Variants in SETBP1 observed in about 807,000 individuals in gnomAD.
SETBP1 encodes the protein SET binding protein 1.
SETBP1 carries 9 observed loss-of-function variants against 101.0 expected under a neutral mutation model. That is an observed-to-expected ratio of 0.09 (90% CI 0.05 to 0.16). SETBP1 has a LOEUF of 0.16. Among genes scored for constraint, SETBP1 ranks in the 10% least tolerant of loss-of-function variants. The pLI, the probability that SETBP1 is intolerant of heterozygous loss-of-function variation, is 1.00. For synonymous variants in SETBP1, 818 were observed against 788.5 expected, an observed-to-expected ratio of 1.04 and a Z score of -0.63; for missense variants, 1,858 against 2,033.8, an observed-to-expected ratio of 0.91 and a Z score of 1.66.
chr18:44,947,797 AC>A (rs1486633893), intron 3 of SETBP1, among the ~76,000 whole-genome samples: 1 of 152,032 alleles, frequency 6.6e-6, no homozygotes, highest in African/African-American at 2.4e-5. Context: ...GAGCCACTAC[AC>A]CCAGCCATCC....
At chr18:44,996,273 TCA>T (rs2145311604) in intron 4 of SETBP1, among the ~76,000 whole-genome samples, 1 of 152,332 alleles carries the variant, frequency 6.6e-6, no homozygotes, top group African/African-American at 2.4e-5. Flanking sequence ...AAAGAATGTC[TCA>T]GAGAATTACA....
rs1228054505 is a variant in SETBP1 at position 44,817,698 on chromosome 18, G to GAA, written c.487-51522_487-51521dup. ...AGACTCCATCTCAAAAAAAAAAAAAGAAAAAAAAAAAGGCTTCACACATGA... is the reference window on the plus strand; with the variant it reads ...AGACTCCATCTCAAAAAAAAAAAAAGAAAAAAAAAAAAAGGCTTCACACATGA... On this transcript the variant is annotated intron_variant, in intron 2 of 5. Transcript: ENST00000649279. 2.6e-3 allele frequency among the ~76,000 whole-genome samples: 362 copies of GAA among 139,464 alleles called. 1 individual carries two copies. The highest frequency in any genetic ancestry group is 9.2e-3 in the African/African-American group (353 of 38,190). The allele number at this position is 139,464 out of a possible 152,430, so 91.5% of individuals were successfully genotyped here.
chr18:44,769,258 T>G (rs149586254), intron 2 of SETBP1, among the ~76,000 whole-genome samples: 14 of 152,366 alleles, frequency 9.2e-5, no homozygotes, highest in African/African-American at 3.4e-4. Flanking sequence ...TGCCATTTTT[T>G]ATTTCTTTCC....
chr18:44,995,650 T>C (rs964768920), intron 4 of SETBP1, among the ~76,000 whole-genome samples: 1 of 151,892 alleles, frequency 6.6e-6, no homozygotes, highest in African/African-American at 2.4e-5. Context: ...AGAACAGAAA[T>C]TTATTTATCA....
intron 2 of SETBP1, among the ~76,000 whole-genome samples, chr18:44,736,557 C>G (rs1324967638): frequency 2.0e-5 from 3 of 152,130 alleles, no homozygotes; most frequent in African/African-American, 7.2e-5. Flanking sequence ...TGATATTTCT[C>G]TTTTTTGTGC....
chr18:44,685,535 A>T (rs79885796), intron 1 of SETBP1, among the ~76,000 whole-genome samples: 2 of 152,074 alleles, frequency 1.3e-5, no homozygotes, highest in African/African-American at 4.8e-5. Flanking sequence ...TCCTCTTTGG[A>T]TCGTGTCCCT....
In SETBP1 at chr18:45,032,399, T is replaced by C. The variant is rs567084106; in HGVS notation, c.4001-6086T>C. ...GTTTTGCTAGTCAACTCTCAAATGA[T>C]TGTTAAATTCCAAATGATTTATTCT... On this transcript the variant is annotated intron_variant, in intron 4 of 5. Transcript: ENST00000649279. 3.3e-5 allele frequency among the ~76,000 whole-genome samples: 5 copies of C among 152,304 alleles called. No individual in the cohort carries two copies. In the East Asian group the frequency reaches 9.6e-4, roughly 29 times the overall value.
intron 2 of SETBP1, among the ~76,000 whole-genome samples, chr18:44,845,289 A>T (rs563880625): frequency 7.9e-5 from 12 of 152,188 alleles, no homozygotes; most frequent in African/African-American, 2.9e-4. Context: ...CATCTCCTGG[A>T]ATCTCAGGAA....
chr18:45,017,160 C>T (rs1034390892), intron 4 of SETBP1, among the ~76,000 whole-genome samples: 3 of 152,122 alleles, frequency 2.0e-5, no homozygotes, highest in African/African-American at 7.2e-5. Context: ...CACAACCACA[C>T]AGCCAGTGCT....
intron 4 of SETBP1, among the ~76,000 whole-genome samples, chr18:44,955,474 A>C (rs1310206819): frequency 2.6e-5 from 4 of 152,164 alleles, no homozygotes; most frequent in African/African-American, 9.7e-5. Context: ...TCTGTAACTC[A>C]TGGGGTTGGG....
chr18:45,054,877 T>C (rs2073783292), intron 5 of SETBP1, among the ~76,000 whole-genome samples: 1 of 152,140 alleles, frequency 6.6e-6, no homozygotes, highest in Non-Finnish European at 1.5e-5. Context: ...GACCTGTGAA[T>C]TGCCTAATCA....
At chr18:44,693,106 C>T (rs2068961121) in intron 1 of SETBP1, among the ~76,000 whole-genome samples, 1 of 152,178 alleles carries the variant, frequency 6.6e-6, no homozygotes, top group Non-Finnish European at 1.5e-5. Flanking sequence ...AGTTGGGTCA[C>T]CTGCTAGATT....
chr18:44,836,035 A>G (rs1173022834), intron 2 of SETBP1, among the ~76,000 whole-genome samples: 1 of 152,186 alleles, frequency 6.6e-6, no homozygotes, highest in African/African-American at 2.4e-5. Context: ...GCATTTGGCC[A>G]CGGACAACGA....
rs1361133484 is a variant in SETBP1, at chr18:44,952,511, A to G, written c.3171A>G (p.Ser1057=). Residue 1057 remains serine, a synonymous_variant, in exon 4 of 6, where the codon TCA becomes TCG. Transcript: ENST00000649279. ...CACCCTATGGAATGCCTTACACATCAATGCCTATGATGAACCTTGGTTATT... is the reference window on the plus strand; with the variant it reads ...CACCCTATGGAATGCCTTACACATCGATGCCTATGATGAACCTTGGTTATT... ...YYAPYGMPYT[S]MPMMNLGYYG... 5 of 1,613,982 alleles carry G rather than the reference A, an allele frequency of 3.1e-6. No homozygotes were observed. The highest frequency in any genetic ancestry group is 4.2e-6 in the Non-Finnish European group (5 of 1,180,028).
chr18:45,051,189 T>G (rs2073714865), intron 5 of SETBP1, among the ~76,000 whole-genome samples: 1 of 152,166 alleles, frequency 6.6e-6, no homozygotes, highest in African/African-American at 2.4e-5. Flanking sequence ...CCAAGCCACA[T>G]GGTGTATGAG....
chr18:45,041,966 T>TA (rs1181172969), intron 5 of SETBP1, among the ~76,000 whole-genome samples: 3 of 149,900 alleles, frequency 2.0e-5, no homozygotes, highest in South Asian at 2.1e-4. Context: ...CAAAAAAAAA[T>TA]AAAAAATTTT....
chr18:44,868,283 CTAAA>C (rs2069173528), intron 2 of SETBP1, among the ~76,000 whole-genome samples: 2 of 151,582 alleles, frequency 1.3e-5, no homozygotes, highest in African/African-American at 4.9e-5. Context: ...GTATAAAATC[CTAAA>C]TAGTGTATAA....
intron 4 of SETBP1, among the ~76,000 whole-genome samples, chr18:45,027,485 A>T (rs7231762): frequency 0.41 from 62,678 of 152,024 alleles, 13,043 homozygotes; most frequent in Middle Eastern, 0.44. Context: ...ATATTAACCA[A>T]AAATATCCAT....
intron 1 of SETBP1, among the ~76,000 whole-genome samples, chr18:44,700,498 G>GT (rs1370262096): frequency 6.6e-6 from 1 of 152,134 alleles, no homozygotes; most frequent in Non-Finnish European, 1.5e-5. Flanking sequence ...TGTTGAAGTT[G>GT]TTTTCCATTA....
Sources: gnomAD v4.1 joint callset for allele counts (sites outside exome capture counted in the v4.1 genomes callset) on GRCh38, gnomAD v4.1.1 for gene constraint, MANE v1.5 for transcripts, NCBI Gene and HGNC (gene_info 2026-07-23, HGNC 2026-07-21) for gene names.